Variants in ANK1 observed in about 807,000 individuals in gnomAD.
ANK1 encodes the protein ankyrin 1.
ANK1 carries 51 observed loss-of-function variants against 210.4 expected under a neutral mutation model. The observed-to-expected ratio is 0.24, with a 90% CI of 0.19 to 0.31. The LOEUF is 0.31. ANK1 is among the 10% of genes least tolerant of loss of function. The probability of loss-of-function intolerance (pLI) is 1.00; values close to 1 mark genes in which losing one functional copy is unlikely to be tolerated. For synonymous variants in ANK1, 967 were observed against 1,025.9 expected (o/e 0.94, Z 1.10); for missense variants, 2,051 against 2,504.4 (o/e 0.82, Z 3.86).
intron 1 of ANK1, among the ~76,000 whole-genome samples, chr8:41,866,214 G>A (rs1258333652): frequency 6.6e-6 from 1 of 152,204 alleles, no homozygotes; most frequent in Non-Finnish European, 1.5e-5. Flanking sequence ...TACAGGGACA[G>A]GGTCTTACTC....
In ANK1 at chr8:41,831,642, AAAAAAAAAAAAAAGAAG is replaced by A. The variant is rs1009169455; in HGVS notation, c.126+64696_126+64712del. Among the ~76,000 whole-genome samples the A allele has an allele frequency of 9.0e-5, 10 of 111,414 alleles. 1 individual carries two copies. The East Asian group carries it at 2.6e-3, about 29-fold the overall frequency. The allele number at this position is 111,414 out of a possible 152,430, so 73.1% of individuals were successfully genotyped here. ...CCAGTGCAGAGCAAAAGTCTGTCAA[AAAAAAAAAAAAAAGAAG>A]AAGAAAAAGAAAAAAGGAATGAAAG... On this transcript the variant is annotated intron_variant, in intron 1 of 42. Transcript: ENST00000265709.
intron 1 of ANK1, among the ~76,000 whole-genome samples, chr8:41,893,837 G>C (rs1457956200): frequency 6.6e-6 from 1 of 152,176 alleles, no homozygotes; most frequent in Admixed American, 6.5e-5. Context: ...TCAGCTGCCT[G>C]ATTTTAATAC....
chr8:41,828,202 G>A (rs1038313918), intron 1 of ANK1: 1 of 152,356 alleles, frequency 6.6e-6, no homozygotes, highest in Non-Finnish European at 1.5e-5. Flanking sequence ...GAAAGGCTGC[G>A]AGCTAGAGGA....
intron 3 of ANK1, among the ~76,000 whole-genome samples, chr8:41,728,615 C>G (rs1401558897): frequency 6.6e-6 from 1 of 152,004 alleles, no homozygotes; most frequent in Non-Finnish European, 1.5e-5. Context: ...ATTGGAGTGG[C>G]GCAGGAAGGG....
At chr8:41,896,457 C>A (rs764476215) in exon 1 of ANK1, 53 of 1,604,780 alleles carry the variant, frequency 3.3e-5, no homozygotes, top group Admixed American at 3.0e-4. Context: ...TGATTTTCTT[C>A]AGCTGTTTGG....
chr8:41,658,994 G>A (rs1384878394), intron 42 of ANK1, among the ~76,000 whole-genome samples: 1 of 152,236 alleles, frequency 6.6e-6, no homozygotes, highest in Admixed American at 6.5e-5. Flanking sequence ...GGAAATACAA[G>A]GTTAGGCTCC....
Position 41,864,198 on chromosome 8 carries a change from C to T in ANK1, c.126+32157G>A, listed in dbSNP as rs192769924. Among the ~76,000 whole-genome samples, 141 of 145,934 alleles carry T rather than the reference C, an allele frequency of 9.7e-4. 2 individuals carry two copies. The highest frequency in any genetic ancestry group is 3.4e-3 in the African/African-American group (133 of 39,284). On this transcript the variant is annotated intron_variant, in intron 1 of 42. Coordinates refer to the ANK1 transcript ENST00000265709. ...CTGGGAGGTGGAGCTTGTAGTGAGC[C>T]GAGATCACGCCACTGCACTCCAGCC...
intron 2 of ANK1, among the ~76,000 whole-genome samples, chr8:41,740,248 C>A (rs1048385208): frequency 6.6e-6 from 1 of 151,650 alleles, no homozygotes; most frequent in Non-Finnish European, 1.5e-5. Context: ...GCAACCTCCA[C>A]CTCCCAAGTT....
At chr8:41,838,767 A>AAATAATAAT (rs58514602) in intron 1 of ANK1, among the ~76,000 whole-genome samples, 1,410 of 140,500 alleles carry the variant, frequency 0.01, 35 homozygotes, top group East Asian at 0.039. Flanking sequence ...TCCGTCTCAA[A>AAATAATAAT]AATAATAATA....
At chr8:41,777,668 A>C (rs1201928517) in intron 1 of ANK1, among the ~76,000 whole-genome samples, 4 of 152,232 alleles carry the variant, frequency 2.6e-5, no homozygotes, top group African/African-American at 9.6e-5. Flanking sequence ...CTTTCTTTCC[A>C]GCTCTGCAGT....
chr8:41,710,188 C>G (rs1487731369), intron 16 of ANK1, among the ~76,000 whole-genome samples: 1 of 152,180 alleles, frequency 6.6e-6, no homozygotes, highest in African/African-American at 2.4e-5. Flanking sequence ...GAGACAGTTC[C>G]CAGGTGGGCA....
chr8:41,688,207 C>T lies in ANK1; in HGVS notation c.4207G>A (p.Ala1403Thr), dbSNP rs1213640923. The change falls in exon 35 of 43, where the codon GCA (alanine) becomes ACA (threonine). Residue 1403 changes from alanine to threonine, a missense_variant. Physicochemically the swap from Ala to Thr is moderately conservative, Grantham distance 58 (BLOSUM62 0). Transcript: ENST00000289734. ...GAGATAACAGCCATCTTCATCTCTG[C>T]CTGCTCTGTCCCACTGAGAGAACCT... ...TPGSLSGTEQ[A>T]EMKMAVISEH... The T allele has an allele frequency of 1.2e-6, 2 of 1,614,250 alleles. No individual in the cohort carries two copies. Among genetic ancestry groups the T allele is most frequent in the Non-Finnish European group, 8.5e-7 (1 of 1,180,044 alleles).
chr8:41,858,199 T>C (rs1180206961), intron 1 of ANK1, among the ~76,000 whole-genome samples: 1 of 152,114 alleles, frequency 6.6e-6, no homozygotes, highest in Non-Finnish European at 1.5e-5. Context: ...GCCACTGCAC[T>C]CCAGCCTGGG....
At chr8:41,797,842 G>C (rs1469568259), upstream of ANK1, among the ~76,000 whole-genome samples, 1 of 151,996 alleles carries the variant, frequency 6.6e-6, no homozygotes, top group Admixed American at 6.5e-5. This position sits in a 1 kb window ranked among gnomAD's most constrained non-coding sequence, Gnocchi z 4.0. Flanking sequence ...AGAGCAGCCG[G>C]GGAGAGCTGA....
chr8:41,724,273 C>T (rs528750612), intron 7 of ANK1, among the ~76,000 whole-genome samples, 183 bp downstream of exon 7: 3 of 152,290 alleles, frequency 2.0e-5, no homozygotes, highest in African/African-American at 7.2e-5. Flanking sequence ...TTTCTCAAGA[C>T]AAAGCAGGTG....
chr8:41,670,341 C>T (rs1260219348), intron 38 of ANK1, among the ~76,000 whole-genome samples: 1 of 151,886 alleles, frequency 6.6e-6, no homozygotes, highest in African/African-American at 2.4e-5. Flanking sequence ...GAAGGCTGAC[C>T]AAGGTCACAG....
intron 2 of ANK1, among the ~76,000 whole-genome samples, chr8:41,748,805 G>A (rs1299073349): frequency 1.3e-5 from 2 of 152,232 alleles, no homozygotes; most frequent in Non-Finnish European, 2.9e-5. Context: ...GGAGGCTAAG[G>A]CGGGCAGATC....
intron 39 of ANK1, chr8:41,664,092 T>G (rs1182385638): frequency 4.2e-6 from 2 of 474,708 alleles, no homozygotes; most frequent in Admixed American, 2.3e-5. Flanking sequence ...TACAGCACTT[T>G]GCAGTATAGA....
chr8:41,834,473 C>T (rs967897584), intron 1 of ANK1, among the ~76,000 whole-genome samples: 12 of 152,214 alleles, frequency 7.9e-5, no homozygotes, highest in Admixed American at 1.3e-4. Flanking sequence ...AGACCTGCCT[C>T]GGCCGGTCAA....
Sources: allele counts gnomAD v4.1 joint callset (sites outside exome capture counted in the v4.1 genomes callset), GRCh38; gene constraint gnomAD v4.1.1; non-coding constraint Gnocchi (gnomAD v3.1); transcripts MANE v1.5; gene names NCBI Gene and HGNC (gene_info 2026-07-23, HGNC 2026-07-21).